The following LNPEP variants were observed in gnomAD, a reference collection of about 807,000 sequenced individuals.
LNPEP encodes leucyl and cystinyl aminopeptidase.
LNPEP carries 64 observed loss-of-function variants against 120.6 expected under a neutral mutation model. That is an observed-to-expected ratio of 0.53 (90% CI 0.43 to 0.65). The LOEUF is 0.65. Among genes scored for constraint, LNPEP ranks in the 30% least tolerant of loss-of-function variants. LNPEP has a pLI of 0.00. For missense variants in LNPEP, 1,057 were observed against 1,200.0 expected (o/e 0.88, Z 1.76); for synonymous variants, 435 against 425.4 (o/e 1.02, Z -0.28).
At chr5:96,959,831 A>G (rs1389784517) in intron 1 of LNPEP, among the ~76,000 whole-genome samples, 3 of 152,062 alleles carry the variant, frequency 2.0e-5, no homozygotes, top group African/African-American at 7.2e-5. Flanking sequence ...ATTTCAAATT[A>G]TAAGTCTTAT....
intron 16 of LNPEP, 27 bp downstream of exon 16, chr5:97,026,784 T>G: frequency 6.3e-7 from 1 of 1,594,324 alleles, no homozygotes; most frequent in South Asian, 1.1e-5. Flanking sequence ...ATTATTAACT[T>G]TTAGTATTCT....
At chr5:97,024,492 A>T in intron 14 of LNPEP, 29 bp from the exon 15 acceptor site, 1 of 1,601,706 alleles carries the variant, frequency 6.2e-7, no homozygotes, top group South Asian at 1.1e-5. Flanking sequence ...TTTTCTTGTT[A>T]TTCTCATGTT....
chr5:97,013,931 G>C (rs1389460018), intron 12 of LNPEP, 100 bp downstream of exon 12: 1 of 839,204 alleles, frequency 1.2e-6, no homozygotes, highest in Admixed American at 2.7e-5. Flanking sequence ...AGCATGTATT[G>C]GTTGGTACAA....
intron 1 of LNPEP, among the ~76,000 whole-genome samples, chr5:96,948,900 T>G (rs769859928): frequency 3.9e-5 from 6 of 152,204 alleles, no homozygotes; most frequent in Admixed American, 6.5e-5. Context: ...CAGACAGCCA[T>G]ATTCAAATCC....
chr5:96,983,605 C>T (rs1164667496), intron 2 of LNPEP, among the ~76,000 whole-genome samples: 1 of 152,072 alleles, frequency 6.6e-6, no homozygotes, highest in Non-Finnish European at 1.5e-5. Flanking sequence ...GCTACCATGC[C>T]TGGCTAATTT....
At chr5:97,018,577 G>A (rs1791118680) in intron 13 of LNPEP, among the ~76,000 whole-genome samples, 1 of 151,990 alleles carries the variant, frequency 6.6e-6, no homozygotes, top group Non-Finnish European at 1.5e-5. Flanking sequence ...TCACCAAGAG[G>A]GAGAATGTGT....
At chr5:97,019,327 C>A (rs1791134853) in intron 13 of LNPEP, among the ~76,000 whole-genome samples, 1 of 152,012 alleles carries the variant, frequency 6.6e-6, no homozygotes, top group African/African-American at 2.4e-5. Context: ...AAAAACATTT[C>A]ATTTTATTTC....
At chr5:96,984,283 C>T (rs958921248) in intron 2 of LNPEP, among the ~76,000 whole-genome samples, 6 of 152,160 alleles carry the variant, frequency 3.9e-5, no homozygotes, top group East Asian at 1.9e-4. Flanking sequence ...TATATGTTTA[C>T]GTGTAAGTGT....
rs534848892 is a variant in LNPEP at position 97,015,034 on chromosome 5, C to T, written c.2315C>T (p.Thr772Ile). ...CCCATCACCGAAGCCCTGTTTCAGA[C>T]AGACCTCATCTATAACCTCCTTGAA... The part of the protein sequence containing the change: ...TAPITEALFQ[T>I]DLIYNLLEKL... The change falls in exon 13 of 18, where the codon ACA becomes ATA. Residue 772 changes from threonine (T) to isoleucine (I), a missense_variant. By Grantham distance (89) the Thr-to-Ile change is moderately conservative. Transcript: ENST00000231368. 2 of 1,602,718 alleles carry T rather than the reference C, an allele frequency of 1.2e-6. No homozygotes were observed. Among genetic ancestry groups the T allele is most frequent in the South Asian group, 1.1e-5 (1 of 88,110 alleles).
chr5:96,978,815 G>T (rs1790059274), intron 1 of LNPEP, among the ~76,000 whole-genome samples: 1 of 152,172 alleles, frequency 6.6e-6, no homozygotes. Context: ...TCAAGCCCAG[G>T]GCAGGGTCCC....
intron 1 of LNPEP, among the ~76,000 whole-genome samples, chr5:96,938,076 G>A (rs1037022187): frequency 3.3e-5 from 5 of 152,190 alleles, no homozygotes; most frequent in African/African-American, 1.2e-4. Flanking sequence ...GAAATTAAAT[G>A]TTAGCAATTT....
At chr5:96,936,607 G>A (rs1475439854) in intron 1 of LNPEP, 9 of 153,016 alleles carry the variant, frequency 5.9e-5, no homozygotes, top group African/African-American at 2.2e-4. Context: ...CCTTCAGTGA[G>A]CTGCCGGCGT....
At chr5:97,021,011 G>T (rs1791181270) in intron 13 of LNPEP, among the ~76,000 whole-genome samples, 1 of 152,128 alleles carries the variant, frequency 6.6e-6, no homozygotes, top group African/African-American at 2.4e-5. Flanking sequence ...GATGAAAAAG[G>T]CGTCTGTTAG....
chr5:97,022,174 C>T, intron 13 of LNPEP, 126 bp from the exon 14 acceptor site: 1 of 616,136 alleles, frequency 1.6e-6, no homozygotes, highest in Non-Finnish European at 2.8e-6. Flanking sequence ...GGTGATCTGC[C>T]CGCCCCAGCT....
chr5:97,015,916 T>G (rs1791055966), intron 13 of LNPEP, among the ~76,000 whole-genome samples: 2 of 152,100 alleles, frequency 1.3e-5, no homozygotes, highest in South Asian at 4.1e-4. Flanking sequence ...TTTATTATAC[T>G]TTAAGTTCTA....
At position 97,004,771 on chromosome 5, in the gene LNPEP, T is replaced by C. The variant is rs3797794; in HGVS notation, c.1785+1225T>C. ...TACCTTCCCTACTCTCTGAATTCTC[T>C]TTGAGAACTTATTACCTAACAGTTG... On this transcript the variant is annotated intron_variant, in intron 9 of 17. Coordinates refer to ENST00000231368, the MANE Select transcript of LNPEP (RefSeq NM_005575.3). Among the ~76,000 whole-genome samples, 53 of 152,306 alleles carry C rather than the reference T, an allele frequency of 3.5e-4. No individual in the cohort carries two copies. The East Asian group carries it at 6.4e-3, about 18-fold the overall frequency.
In LNPEP at chr5:97,013,794, C is replaced by T. The variant is rs138938447; in HGVS notation, c.2182C>T (p.Arg728Ter). ...INPYVLSDKD[R>*]ANLINNIFEL... ...TCCTTATGTTCTGAGTGACAAAGAC[C>T]GAGCCAACCTTATCAACAACATCTT... Residue 728 changes from arginine to a stop codon, truncating the protein, a stop_gained, in exon 12 of 18, where the codon CGA becomes TGA. Coordinates refer to ENST00000231368, the MANE Select transcript of LNPEP (RefSeq NM_005575.3). LOFTEE classifies it high-confidence loss of function. 3 of 1,605,816 alleles carry T rather than the reference C, an allele frequency of 1.9e-6. No individual in the cohort carries two copies. The highest frequency in any genetic ancestry group is 2.5e-6 in the Non-Finnish European group (3 of 1,177,076).
At position 97,006,053 on chromosome 5, in the gene LNPEP, T is replaced by TAC; in HGVS notation, c.1786-19_1786-18insCA. On this transcript the variant is annotated intron_variant, in intron 9 of 17. Transcript: ENST00000231368. ...ATTTTTAAGGAAAAAGTTTTATATA[T>TAC]ATATATATATATTTTGTAGGTCACA... The TAC allele has an allele frequency of 2.2e-6, 2 of 914,916 alleles. No homozygotes were observed. Among genetic ancestry groups the TAC allele is most frequent in the Non-Finnish European group, 2.9e-6 (2 of 690,148 alleles). 56.7% of individuals were successfully genotyped at this position (914,916 alleles called of 1,614,324 possible). A position where few individuals can be genotyped will look rare whatever the true frequency, so the allele number is the denominator to read the frequency against.
chr5:96,944,686 A>T (rs181225680), intron 1 of LNPEP, among the ~76,000 whole-genome samples: 1 of 146,748 alleles, frequency 6.8e-6, no homozygotes, highest in East Asian at 2.0e-4. Flanking sequence ...CTTGTGCCTC[A>T]GCCTCCTGAG....
Sources: gnomAD v4.1 joint callset for allele counts (sites outside exome capture counted in the v4.1 genomes callset) on GRCh38, gnomAD v4.1.1 for gene constraint, MANE v1.5 for transcripts, NCBI Gene and HGNC (gene_info 2026-07-23, HGNC 2026-07-21) for gene names.